The following RANBP2 variants were observed in gnomAD, a reference collection of about 807,000 sequenced individuals.
The protein encoded by RANBP2 is RAN binding protein 2.
Under a neutral mutation model 303.6 loss-of-function variants are expected in RANBP2, and 57 were observed. The ratio of observed to expected loss-of-function variants is 0.19; its 90% CI spans 0.15 to 0.23. The LOEUF (loss-of-function observed/expected upper bound fraction) is 0.23. Ranked by LOEUF, RANBP2 falls within the 10% of genes least tolerant of loss-of-function variation. The probability of loss-of-function intolerance (pLI) is 1.00; values close to 1 mark genes in which losing one functional copy is unlikely to be tolerated. For synonymous variants in RANBP2, 1,167 were observed against 1,301.5 expected, an observed-to-expected ratio of 0.90 and a Z score of 2.23; for missense variants, 3,138 against 3,780.8, an observed-to-expected ratio of 0.83 and a Z score of 4.46.
chr2:109,543,837 A>G, the RANBP2 span: 1 of 270,180 alleles, frequency 3.7e-6, no homozygotes, highest in Non-Finnish European at 6.9e-6. Context: ...GCTAGGGACC[A>G]GAAGTGTTTT....
chr2:109,363,781 A>T, the RANBP2 span, among the ~76,000 whole-genome samples: 1 of 151,878 alleles, frequency 6.6e-6, no homozygotes, highest in Non-Finnish European at 1.5e-5. Context: ...TAAATATTTT[A>T]CTCCACTCTC....
chr2:109,416,661 G>A, the RANBP2 span, among the ~76,000 whole-genome samples: 1 of 151,846 alleles, frequency 6.6e-6, no homozygotes, highest in Non-Finnish European at 1.5e-5. Flanking sequence ...GGGATTACAG[G>A]TGTGAGCCAC....
chr2:109,130,354 C>T, the RANBP2 span, among the ~76,000 whole-genome samples: 2 of 152,226 alleles, frequency 1.3e-5, no homozygotes, highest in African/African-American at 4.8e-5. Context: ...CCTGTCCCGT[C>T]GCTCACCCCC....
the RANBP2 span, among the ~76,000 whole-genome samples, chr2:109,594,328 C>T: frequency 6.6e-6 from 1 of 152,112 alleles, no homozygotes; most frequent in Non-Finnish European, 1.5e-5. Flanking sequence ...ACTCCCTTCC[C>T]ACTCTTGATT....
the RANBP2 span, chr2:109,545,456 C>A: frequency 6.5e-7 from 1 of 1,536,170 alleles, no homozygotes; most frequent in East Asian, 2.4e-5. Context: ...GTGGCCCTCT[C>A]TACCTTTCTC....
At chr2:109,179,569 A>G in the RANBP2 span, among the ~76,000 whole-genome samples, 1 of 152,208 alleles carries the variant, frequency 6.6e-6, no homozygotes, top group Non-Finnish European at 1.5e-5. Flanking sequence ...GTCCAAGAAC[A>G]TGGTACTGGC....
chr2:108,994,300 T>A, the RANBP2 span, among the ~76,000 whole-genome samples: 15 of 152,272 alleles, frequency 9.9e-5, no homozygotes, highest in East Asian at 2.9e-3. Context: ...GCATGCCCTC[T>A]CCCGTGGCCT....
the RANBP2 span, among the ~76,000 whole-genome samples, chr2:109,424,849 C>CT: frequency 6.6e-6 from 1 of 152,160 alleles, no homozygotes; most frequent in South Asian, 2.1e-4. Flanking sequence ...TAAGTGACCT[C>CT]TAAGTGGTCA....
the RANBP2 span, among the ~76,000 whole-genome samples, chr2:108,851,594 C>T: frequency 1.4e-4 from 21 of 151,448 alleles, no homozygotes; most frequent in African/African-American, 3.2e-4. Flanking sequence ...TGAGCCACCG[C>T]GCCCGGCCTT....
At chr2:109,249,973 C>T in the RANBP2 span, among the ~76,000 whole-genome samples, 18 of 152,002 alleles carry the variant, frequency 1.2e-4, no homozygotes, top group African/African-American at 3.1e-4. Context: ...CGTGAGCCAC[C>T]GCGCCCGGCC....
At chr2:108,821,080 G>A in the RANBP2 span, among the ~76,000 whole-genome samples, 1 of 152,130 alleles carries the variant, frequency 6.6e-6, no homozygotes, top group Non-Finnish European at 1.5e-5. Context: ...ATTTGTGGCC[G>A]GGTGCGGTGG....
chr2:108,926,822 G>A, the RANBP2 span, among the ~76,000 whole-genome samples: 5 of 152,342 alleles, frequency 3.3e-5, no homozygotes, highest in African/African-American at 1.2e-4. Flanking sequence ...AAGGCAATCC[G>A]CATCCACAGC....
the RANBP2 span, among the ~76,000 whole-genome samples, chr2:109,102,001 C>T: frequency 6.6e-6 from 1 of 152,206 alleles, no homozygotes; most frequent in African/African-American, 2.4e-5. Context: ...CAGTTTCTAA[C>T]GATCATAACA....
At chr2:109,402,150 C>T in the RANBP2 span, among the ~76,000 whole-genome samples, 1 of 152,248 alleles carries the variant, frequency 6.6e-6, no homozygotes, top group Non-Finnish European at 1.5e-5. Context: ...TCTGGATGTG[C>T]CCAGAGACCA....
chr2:109,571,827 C>T, the RANBP2 span, among the ~76,000 whole-genome samples: 1 of 152,190 alleles, frequency 6.6e-6, no homozygotes, highest in African/African-American at 2.4e-5. Context: ...AACAAGTGCT[C>T]ATTAGCTCTT....
the RANBP2 span, among the ~76,000 whole-genome samples, chr2:109,073,939 GAAA>G: frequency 6.7e-6 from 1 of 149,912 alleles, no homozygotes; most frequent in Admixed American, 6.6e-5. Flanking sequence ...TGACACAAAA[GAAA>G]AAAAGTTACA....
At chr2:109,722,316 A>G in the RANBP2 span, among the ~76,000 whole-genome samples, 1 of 152,172 alleles carries the variant, frequency 6.6e-6, no homozygotes, top group Admixed American at 6.5e-5. Context: ...CAGGCCAGAC[A>G]CGGAAAGAGG....
At chr2:109,342,565 CTCTCCACCCCAGCTT>C in the RANBP2 span, among the ~76,000 whole-genome samples, 111 of 152,340 alleles carry the variant, frequency 7.3e-4, 2 homozygotes, top group Non-Finnish European at 1.1e-3. Context: ...GTGCTCCACG[CTCTCCACCCCAGCTT>C]GCTGGGAGGT....
chr2:109,593,536 G>A, the RANBP2 span, among the ~76,000 whole-genome samples: 5 of 151,532 alleles, frequency 3.3e-5, no homozygotes, highest in African/African-American at 1.2e-4. Context: ...CTCCTGAGTA[G>A]CTGGGATTAC....
Sources: gnomAD v4.1 joint callset for allele counts (sites outside exome capture counted in the v4.1 genomes callset) on GRCh38, gnomAD v4.1.1 for gene constraint, MANE v1.5 for transcripts, NCBI Gene and HGNC (gene_info 2026-07-23, HGNC 2026-07-21) for gene names.